CADM2: variants seen among roughly 807,000 people sequenced by gnomAD.
CADM2 encodes cell adhesion molecule 2, also known as immunoglobulin superfamily member 4D.
In CADM2, 12 loss-of-function variants were observed where a neutral mutation model predicts 49.8. The ratio of observed to expected loss-of-function variants is 0.24; its 90% CI spans 0.15 to 0.39. The LOEUF is 0.39. CADM2 is among the 10% of genes least tolerant of loss of function. The pLI is 1.00. For missense variants in CADM2, 378 were observed against 492.3 expected (o/e 0.77, Z 2.20); for synonymous variants, 214 against 175.4 (o/e 1.22, Z -1.74).
chr3:85,609,438 G>A (rs879126729), intron 1 of CADM2, among the ~76,000 whole-genome samples: 14 of 152,022 alleles, frequency 9.2e-5, no homozygotes, highest in Admixed American at 2.0e-4. Flanking sequence ...GTGTTTTGGG[G>A]TAAATTTACG....
intron 8 of CADM2, among the ~76,000 whole-genome samples, chr3:85,981,154 A>G (rs1727431912): frequency 6.6e-6 from 1 of 151,404 alleles, no homozygotes; most frequent in Non-Finnish European, 1.5e-5. Context: ...AGAGGACTAT[A>G]TATATGTATA....
chr3:85,418,781 A>G (rs1036566008), intron 1 of CADM2, among the ~76,000 whole-genome samples: 8 of 152,128 alleles, frequency 5.3e-5, no homozygotes, highest in Non-Finnish European at 7.4e-5. Context: ...AATTTTTGCA[A>G]TGGGAGCTGG....
At chr3:85,995,716 G>T (rs1241721754) in intron 8 of CADM2, among the ~76,000 whole-genome samples, 2 of 152,078 alleles carry the variant, frequency 1.3e-5, no homozygotes, top group African/African-American at 4.8e-5. Context: ...TATATAGAAA[G>T]TCTTCAGTTG....
At chr3:84,984,383 A>AAAAC (rs2032422062) in intron 1 of CADM2, among the ~76,000 whole-genome samples, 1 of 140,318 alleles carries the variant, frequency 7.1e-6, no homozygotes, top group Non-Finnish European at 1.6e-5. Context: ...AAAAAAAAAA[A>AAAAC]AACACTTGAG....
intron 8 of CADM2, among the ~76,000 whole-genome samples, chr3:86,061,683 A>G (rs753020825): frequency 1.4e-5 from 2 of 141,356 alleles, no homozygotes; most frequent in African/African-American, 6.4e-5. Flanking sequence ...AGACTAATCT[A>G]TCTGAAAATA....
chr3:86,051,268 A>G (rs569515112), intron 8 of CADM2, among the ~76,000 whole-genome samples: 4 of 152,246 alleles, frequency 2.6e-5, no homozygotes, highest in African/African-American at 4.8e-5. Flanking sequence ...TTGCTAACAC[A>G]TAACTAACGT....
chr3:85,355,361 T>C (rs573137875), intron 1 of CADM2, among the ~76,000 whole-genome samples: 1 of 152,252 alleles, frequency 6.6e-6, no homozygotes, highest in East Asian at 1.9e-4. Flanking sequence ...TGAGCACCTA[T>C]CCCATCACGG....
intron 2 of CADM2, among the ~76,000 whole-genome samples, chr3:85,752,673 C>T (rs1253232642): frequency 1.3e-5 from 2 of 152,068 alleles, no homozygotes; most frequent in African/African-American, 2.4e-5. Flanking sequence ...TCTAGTAAGT[C>T]ATCCTAAAGT....
chr3:85,013,480 C>A (rs2107263221), intron 1 of CADM2, among the ~76,000 whole-genome samples: 1 of 151,848 alleles, frequency 6.6e-6, no homozygotes, highest in African/African-American at 2.4e-5. Flanking sequence ...AAGGAGAAAT[C>A]AAATCTTTAG....
Position 85,008,741 on chromosome 3 carries a change from C to CAT in CADM2, c.61+49085_61+49086dup, listed in dbSNP as rs766800135. On this transcript the variant is annotated intron_variant, in intron 1 of 9. Coordinates refer to ENST00000383699, the MANE Select transcript of CADM2 (RefSeq NM_001167675.2). ...GATATAAGAAACATATATAAAGAGT[C>CAT]ATATATATATATAATTTATATGGCC... 7.2e-4 allele frequency among the ~76,000 whole-genome samples: 109 copies of CAT among 151,462 alleles called. No homozygotes were observed. In the East Asian group the frequency reaches 0.012, roughly 16 times the overall value.
intron 1 of CADM2, among the ~76,000 whole-genome samples, chr3:85,402,174 G>T (rs1338643530): frequency 6.6e-6 from 1 of 151,834 alleles, no homozygotes; most frequent in African/African-American, 2.4e-5. Flanking sequence ...AAACAATAAA[G>T]ACCATTTCTG....
At chr3:85,277,586 G>A (rs765059200) in intron 1 of CADM2, among the ~76,000 whole-genome samples, 9 of 151,252 alleles carry the variant, frequency 6.0e-5, no homozygotes, top group Non-Finnish European at 1.3e-4. Context: ...CACGAACATT[G>A]TTATGCTATG....
intron 1 of CADM2, among the ~76,000 whole-genome samples, chr3:85,084,545 G>A (rs932069071): frequency 1.3e-5 from 2 of 152,142 alleles, no homozygotes; most frequent in Admixed American, 1.3e-4. Flanking sequence ...AATTGAGATT[G>A]TGAAGACTTA....
chr3:85,939,238 A>C (rs948860356), intron 7 of CADM2, among the ~76,000 whole-genome samples: 1 of 152,034 alleles, frequency 6.6e-6, no homozygotes, highest in African/African-American at 2.4e-5. Flanking sequence ...TTGGGCCAGG[A>C]CCAAATTGTT....
chr3:85,967,706 C>A (rs565943200), intron 8 of CADM2, among the ~76,000 whole-genome samples: 1 of 151,656 alleles, frequency 6.6e-6, no homozygotes, highest in East Asian at 2.0e-4. Context: ...CTGCAACGTG[C>A]ATTTACTATT....
chr3:86,065,777 G>C (rs1739234281), intron 9 of CADM2, 47 bp downstream of exon 9: 3 of 1,588,014 alleles, frequency 1.9e-6, no homozygotes, highest in African/African-American at 1.3e-5. Context: ...AAATATTCTA[G>C]ACTAACTTCA....
chr3:85,334,163 TG>T (rs1200527707), intron 1 of CADM2, among the ~76,000 whole-genome samples: 1 of 151,594 alleles, frequency 6.6e-6, no homozygotes, highest in Non-Finnish European at 1.5e-5. Context: ...TATGTAGGCT[TG>T]CTTAGTCAAC....
At chr3:85,132,126 A>G (rs1460881853) in intron 1 of CADM2, among the ~76,000 whole-genome samples, 1 of 150,002 alleles carries the variant, frequency 6.7e-6, no homozygotes, top group East Asian at 1.9e-4. Flanking sequence ...TCCTTATTTT[A>G]CTAACTATTG....
intron 1 of CADM2, among the ~76,000 whole-genome samples, chr3:85,049,834 C>T (rs930747015): frequency 1.3e-5 from 2 of 151,968 alleles, no homozygotes; most frequent in Non-Finnish European, 2.9e-5. Flanking sequence ...TAATTAAATT[C>T]TCATCCAACT....
Sources: gnomAD v4.1 joint callset for allele counts (sites outside exome capture counted in the v4.1 genomes callset) on GRCh38, gnomAD v4.1.1 for gene constraint, MANE v1.5 for transcripts, NCBI Gene and HGNC (gene_info 2026-07-23, HGNC 2026-07-21) for gene names.